CFAP61: variants seen among roughly 807,000 people sequenced by gnomAD.
CFAP61 encodes the protein cilia- and flagella-associated protein 61.
In CFAP61, 107 loss-of-function variants were observed where a neutral mutation model predicts 135.6. The ratio of observed to expected loss-of-function variants is 0.79; its 90% confidence interval spans 0.67 to 0.93. The LOEUF is 0.93. Among genes scored for constraint, CFAP61 ranks in the 40% least tolerant of loss-of-function variants. The pLI is 0.00. For missense variants in CFAP61, 1,507 were observed against 1,556.2 expected (o/e 0.97, Z 0.53); for synonymous variants, 575 against 578.5 (o/e 0.99, Z 0.09).
chr20:20,111,860 A>C (rs1038754862), intron 8 of CFAP61, among the ~76,000 whole-genome samples: 2 of 152,190 alleles, frequency 1.3e-5, no homozygotes, highest in East Asian at 3.8e-4. Context: ...CAATGTAATT[A>C]ATTCTTGTTC....
intron 18 of CFAP61, among the ~76,000 whole-genome samples, chr20:20,241,862 C>A (rs2050034195): frequency 6.6e-6 from 1 of 152,016 alleles, no homozygotes; most frequent in South Asian, 2.1e-4. Flanking sequence ...TACTTGCAGA[C>A]TGTCAGCCAT....
chr20:20,345,783 A>G (rs2058605335), intron 26 of CFAP61, among the ~76,000 whole-genome samples: 1 of 150,660 alleles, frequency 6.6e-6, no homozygotes, highest in South Asian at 2.1e-4. Context: ...TTAGCCAGGC[A>G]TGATGGCAAG....
At chr20:20,066,980 CA>C (rs1358393743) in intron 2 of CFAP61, among the ~76,000 whole-genome samples, 3 of 151,552 alleles carry the variant, frequency 2.0e-5, no homozygotes, top group African/African-American at 7.3e-5. Flanking sequence ...GGATGTGATA[CA>C]AAGGTGTATT....
At chr20:20,087,421 G>T (rs902085242) in intron 6 of CFAP61, among the ~76,000 whole-genome samples, 4 of 152,122 alleles carry the variant, frequency 2.6e-5, no homozygotes, top group Non-Finnish European at 4.4e-5. Flanking sequence ...ATTCACTTAG[G>T]GTAATGACCT....
rs11087302 is a variant in CFAP61, at chr20:20,099,127, T to TCACACACACA, written c.859+332_859+341dup. Among the ~76,000 whole-genome samples, 783 of 149,458 alleles carry TCACACACACA rather than the reference T, an allele frequency of 5.2e-3. 4 individuals are homozygous for TCACACACACA. The highest frequency in any genetic ancestry group is 0.017 in the East Asian group (84 of 4,982). ...GAAATAATTACTGGTGTTTCAGGTT[T>TCACACACACA]CACACACACACACACACACACACAC... On this transcript the variant is annotated intron_variant, in intron 8 of 26. Coordinates refer to ENST00000245957, the MANE Select transcript of CFAP61 (RefSeq NM_015585.4).
At chr20:20,311,098 A>T (rs1402086770) in intron 25 of CFAP61, among the ~76,000 whole-genome samples, 4 of 152,220 alleles carry the variant, frequency 2.6e-5, no homozygotes, top group African/African-American at 9.6e-5. Context: ...ATCATGCTAC[A>T]CAGTATCTTG....
intron 26 of CFAP61, among the ~76,000 whole-genome samples, chr20:20,350,669 G>T (rs1399861297): frequency 6.6e-6 from 1 of 152,126 alleles, no homozygotes; most frequent in East Asian, 1.9e-4. Flanking sequence ...ATTGAATGAG[G>T]TATTCTAATG....
At position 20,066,719 on chromosome 20, in the gene CFAP61, A is replaced by G. The variant is rs112341450; in HGVS notation, c.144-4135A>G. Among the ~76,000 whole-genome samples the G allele has an allele frequency of 1.7e-3, 260 of 152,296 alleles. 1 individual carries two copies. Among genetic ancestry groups the G allele is most frequent in the African/African-American group, 5.8e-3 (241 of 41,558 alleles). On this transcript the variant is annotated intron_variant, in intron 2 of 26. Coordinates refer to ENST00000245957, the MANE Select transcript of CFAP61 (RefSeq NM_015585.4). ...GGGATAACATTAGGAGAAATACCTA[A>G]TGTAGATGACGGGTTGATGGGTGCA... is the stretch of plus-strand genomic sequence containing the variant.
Position 20,288,857 on chromosome 20 carries a change from TC to T in CFAP61, c.3047del (p.Pro1016GlnfsTer6). On this transcript the variant is annotated frameshift_variant, in exon 23 of 27. Transcript: ENST00000245957. LOFTEE classifies it high-confidence loss of function. The stretch of plus-strand genomic sequence containing the variant: ...CAGCAGCTATGCTACATCTCTTTGA[TC>T]CAACCCTTGAGCCTGTGACCGAGCC... Reference protein sequence around the residue: ...LAAAMLHLFDPTLEPVTEPPA... With the variant: ...LAAAMLHLFDXTLEPVTEPPA... 1 of 1,614,178 alleles carries T rather than the reference TC, an allele frequency of 6.2e-7. No individual in the cohort carries two copies. Among genetic ancestry groups the T allele is most frequent in the Non-Finnish European group, 8.5e-7 (1 of 1,180,016 alleles).
At chr20:20,236,306 A>C (rs1220147659) in intron 18 of CFAP61, among the ~76,000 whole-genome samples, 1 of 152,148 alleles carries the variant, frequency 6.6e-6, no homozygotes, top group African/African-American at 2.4e-5. Flanking sequence ...TTTTAATAGA[A>C]TCCCCAGGTA....
At chr20:20,084,975 TA>T in intron 6 of CFAP61, 1 of 331,490 alleles carries the variant, frequency 3.0e-6, no homozygotes, top group Non-Finnish European at 4.3e-6. Flanking sequence ...GAAGTTAAAA[TA>T]AAATATTGTA....
chr20:20,353,271 AT>A (rs113749689), intron 26 of CFAP61, among the ~76,000 whole-genome samples: 70 of 152,258 alleles, frequency 4.6e-4, no homozygotes, highest in African/African-American at 1.6e-3. Flanking sequence ...ACAAAACACT[AT>A]GCTAAGTGAA....
chr20:20,081,752 A>T (rs1031679333), intron 6 of CFAP61, among the ~76,000 whole-genome samples: 3 of 152,178 alleles, frequency 2.0e-5, no homozygotes, highest in African/African-American at 7.2e-5. Context: ...ATAAACCTGG[A>T]TACCTTAACC....
At chr20:20,091,659 A>G (rs1348584235) in intron 7 of CFAP61, among the ~76,000 whole-genome samples, 4 of 152,086 alleles carry the variant, frequency 2.6e-5, no homozygotes, top group Non-Finnish European at 5.9e-5. Context: ...CCAAGTAATT[A>G]TGATTCCTGT....
chr20:20,087,730 G>A (rs910970487), intron 6 of CFAP61, among the ~76,000 whole-genome samples: 2 of 151,918 alleles, frequency 1.3e-5, no homozygotes, highest in East Asian at 1.9e-4. Context: ...CTTTTTTAAC[G>A]TTTGCTATTT....
At chr20:20,257,310 T>C (rs894384268) in intron 20 of CFAP61, among the ~76,000 whole-genome samples, 1 of 152,102 alleles carries the variant, frequency 6.6e-6, no homozygotes, top group African/African-American at 2.4e-5. Context: ...ATAATTGAGA[T>C]AGAAAAGAAA....
At chr20:20,291,625 A>G (rs1325262977) in intron 24 of CFAP61, among the ~76,000 whole-genome samples, 1 of 152,222 alleles carries the variant, frequency 6.6e-6, no homozygotes. Context: ...GATAACTGAA[A>G]TATCCACTTT....
chr20:20,291,946 A>G (rs1018419401), intron 24 of CFAP61, among the ~76,000 whole-genome samples: 2 of 152,176 alleles, frequency 1.3e-5, no homozygotes, highest in Admixed American at 6.5e-5. Context: ...TTGAGGGTAA[A>G]CAATATGACC....
At chr20:20,069,607 C>A (rs1435489443) in intron 2 of CFAP61, 2 of 378,202 alleles carry the variant, frequency 5.3e-6, no homozygotes, top group Admixed American at 3.3e-5. Context: ...ACACGATGTA[C>A]ATTTCAACGT....
Sources: allele counts gnomAD v4.1 joint callset (sites outside exome capture counted in the v4.1 genomes callset), GRCh38; gene constraint gnomAD v4.1.1; transcripts MANE v1.5; gene names NCBI Gene and HGNC (gene_info 2026-07-23, HGNC 2026-07-21).